The following TET2 variants were observed in gnomAD, a reference collection of about 807,000 sequenced individuals.
TET2 encodes tet methylcytosine dioxygenase 2.
In TET2, 299 loss-of-function variants were observed where a neutral mutation model predicts 142.9. The observed-to-expected ratio is 2.09, with a 90% CI of 1.90 to 2.30. The LOEUF is 2.30. TET2 is among the 30% of genes most tolerant of loss of function. TET2 has a pLI of 0.00. For synonymous variants in TET2, 819 were observed against 849.0 expected (o/e 0.96, Z 0.61); for missense variants, 2,418 against 2,378.0 (o/e 1.02, Z -0.35).
intron 2 of TET2, among the ~76,000 whole-genome samples, chr4:105,209,050 T>C (rs1379670286): frequency 1.1e-3 from 7 of 6,660 alleles, no homozygotes; most frequent in Non-Finnish European, 1.7e-3. Context: ...CAAGGCATGG[T>C]ATATATATAT....
chr4:105,183,469 C>T (rs925436338), intron 1 of TET2, among the ~76,000 whole-genome samples: 2 of 151,834 alleles, frequency 1.3e-5, no homozygotes, highest in African/African-American at 2.4e-5. Flanking sequence ...ATCTCAAATT[C>T]GATAGTATCT....
At chr4:105,150,999 G>T (rs4699160) in intron 1 of TET2, among the ~76,000 whole-genome samples, 16,204 of 152,184 alleles carry the variant, frequency 0.11, 1,164 homozygotes, top group Non-Finnish European at 0.16. Context: ...TTTCTCAAAA[G>T]AATAGATATT....
intron 6 of TET2, among the ~76,000 whole-genome samples, chr4:105,255,301 A>T (rs1730068211): frequency 6.6e-6 from 1 of 152,152 alleles, no homozygotes; most frequent in South Asian, 2.1e-4. Flanking sequence ...TTTACCTATT[A>T]CCCAAATTTG....
chr4:105,246,621 T>G (rs1238807649), intron 6 of TET2, among the ~76,000 whole-genome samples: 1 of 152,222 alleles, frequency 6.6e-6, no homozygotes, highest in Non-Finnish European at 1.5e-5. Context: ...TACTCAGAAA[T>G]AGCTTTTGAA....
Position 105,235,205 on chromosome 4 carries a change from AG to A in TET2, c.1265del (p.Gly422GlufsTer5). ...CACAGGTTCCTCAGCTTCCTTCAGA[AG>A]GAAAAAGCACTCTGAATGGTGGAGT... Reference protein sequence around the residue: ...LPQVPQLPSEGKSTLNGGVLE... With the variant: ...LPQVPQLPSEXKSTLNGGVLE... On this transcript the variant is annotated frameshift_variant, in exon 3 of 11. Transcript: ENST00000380013. LOFTEE classifies it high-confidence loss of function. 1 of 1,614,100 alleles carries A rather than the reference AG, an allele frequency of 6.2e-7. No homozygotes were observed. The highest frequency in any genetic ancestry group is 8.5e-7 in the Non-Finnish European group (1 of 1,179,996).
Position 105,163,838 on chromosome 4 carries a change from AGAGAGAGAGAGAGAGAGT to A in TET2, c.-193+16861_-193+16878del, listed in dbSNP as rs1206428418. Among the ~76,000 whole-genome samples the A allele has an allele frequency of 4.9e-3, 600 of 121,224 alleles. 1 individual carries two copies. Among genetic ancestry groups the A allele is most frequent in the African/African-American group, 0.018 (522 of 28,418 alleles). 79.5% of individuals were successfully genotyped at this position (121,224 alleles called of 152,430 possible). The stretch of plus-strand genomic sequence containing the variant: ...GAGAGAGAGAGAGAGAGAGAGAGAG[AGAGAGAGAGAGAGAGAGT>A]GTGTGTGTGTGTGTGTGTGTGTGTG... On this transcript the variant is annotated intron_variant, in intron 1 of 10. Coordinates refer to ENST00000380013, the MANE Select transcript of TET2 (RefSeq NM_001127208.3).
chr4:105,181,990 T>C (rs1725147182), intron 1 of TET2, among the ~76,000 whole-genome samples: 1 of 152,108 alleles, frequency 6.6e-6, no homozygotes, highest in Non-Finnish European at 1.5e-5. Context: ...ATTATGAAAA[T>C]ATTTTATGTA....
Position 105,174,747 on chromosome 4 carries a change from T to C in TET2, c.-192-15613T>C, listed in dbSNP as rs145971218. ...AACCTCCAGGAGTGTTCACAGTGACTACTGGAGAAAATTCCCTAAGGGGAG... is the reference window on the plus strand; with the variant it reads ...AACCTCCAGGAGTGTTCACAGTGACCACTGGAGAAAATTCCCTAAGGGGAG... On this transcript the variant is annotated intron_variant, in intron 1 of 10. Coordinates refer to ENST00000380013, the MANE Select transcript of TET2 (RefSeq NM_001127208.3). 1.4e-3 allele frequency among the ~76,000 whole-genome samples: 207 copies of C among 152,310 alleles called. 3 individuals carry two copies. The highest frequency in any genetic ancestry group is 7.5e-3 in the Admixed American group (114 of 15,300).
chr4:105,154,652 T>C (rs1008235804), intron 1 of TET2, among the ~76,000 whole-genome samples: 2 of 152,214 alleles, frequency 1.3e-5, no homozygotes, highest in African/African-American at 4.8e-5. Flanking sequence ...TAAAGAGGGC[T>C]TAATGTATAG....
Position 105,186,473 on chromosome 4 carries a change from CT to C in TET2, c.-192-3867del, listed in dbSNP as rs1224419124. Among the ~76,000 whole-genome samples the C allele has an allele frequency of 9.6e-3, 1,108 of 115,072 alleles. 3 individuals are homozygous for C. Among genetic ancestry groups the C allele is most frequent in the African/African-American group, 0.026 (779 of 29,522 alleles). The allele number at this position is 115,072 out of a possible 152,430, so 75.5% of individuals were successfully genotyped here. A position where few individuals can be genotyped will look rare whatever the true frequency, so the allele number is the denominator to read the frequency against. On this transcript the variant is annotated intron_variant, in intron 1 of 10. Coordinates refer to ENST00000380013, the MANE Select transcript of TET2 (RefSeq NM_001127208.3). ...ATAAGCTGACTGTATTTTGCATTTT[CT>C]TTTTTTTTTTTTTTTTTTTGAGATG...
Position 105,237,642 on chromosome 4 carries a change from G to A in TET2, c.3409+291G>A, listed in dbSNP as rs537739893. 17 of 1,427,908 alleles carry A rather than the reference G, an allele frequency of 1.2e-5. No homozygotes were observed. The South Asian group carries it at 1.5e-4, about 13-fold the overall frequency. The allele number at this position is 1,427,908 out of a possible 1,614,324, so 88.5% of individuals were successfully genotyped here. On this transcript the variant is annotated intron_variant, in intron 3 of 10. Coordinates refer to ENST00000380013, the MANE Select transcript of TET2 (RefSeq NM_001127208.3). ...GAATGTATCTGTTTTAGATCAATTC[G>A]CCTATTTAGCTCTTTGTATATTATC...
At chr4:105,243,512 C>T (rs2110253938) in intron 5 of TET2, 58 bp from the exon 6 acceptor site, 2 of 1,479,216 alleles carry the variant, frequency 1.4e-6, no homozygotes, top group South Asian at 1.2e-5. Context: ...TGCAAGTGAC[C>T]CTTGTTTTGT....
intron 1 of TET2, among the ~76,000 whole-genome samples, chr4:105,179,835 A>G (rs1725013715): frequency 6.6e-6 from 1 of 152,204 alleles, no homozygotes; most frequent in Non-Finnish European, 1.5e-5. Flanking sequence ...GAGATCCTCT[A>G]AAGCAGCTGC....
At chr4:105,242,757 A>C (rs1729371745) in intron 4 of TET2, 77 bp from the exon 5 acceptor site, 1 of 1,522,364 alleles carries the variant, frequency 6.6e-7, no homozygotes, top group Non-Finnish European at 8.8e-7. Context: ...GTTATGCTCA[A>C]ATGTTCAAAT....
chr4:105,262,629 C>T (rs1253391962), intron 8 of TET2, among the ~76,000 whole-genome samples: 1 of 152,066 alleles, frequency 6.6e-6, no homozygotes, highest in Non-Finnish European at 1.5e-5. Context: ...CACCTTTAAT[C>T]CCAACACTTT....
chr4:105,275,831 A>T lies in TET2; in HGVS notation c.5321A>T (p.Asn1774Ile). ...TACAGTGCAGCTCCGGGCATGTTCA[A>T]CAGCTCTCTTCATGCCCTGCATCTC... ...HNYSAAPGMFNSSLHALHLQN... is the reference protein window; with the variant it reads ...HNYSAAPGMFISSLHALHLQN... The change falls in exon 11 of 11, where the codon AAC (asparagine) becomes ATC (isoleucine). Residue 1774 changes from asparagine to isoleucine, a missense_variant. Coordinates refer to ENST00000380013, the MANE Select transcript of TET2 (RefSeq NM_001127208.3). The T allele has an allele frequency of 1.3e-6, 2 of 1,551,830 alleles. No homozygotes were observed. Among genetic ancestry groups the T allele is most frequent in the Non-Finnish European group, 1.7e-6 (2 of 1,147,006 alleles).
intron 4 of TET2, chr4:105,242,332 A>G (rs1729351414): frequency 2.8e-6 from 3 of 1,078,000 alleles, no homozygotes; most frequent in African/African-American, 3.3e-5. Context: ...TCATAAGGGA[A>G]GATATAGTCT....
At position 105,190,445 on chromosome 4, in the gene TET2, T is replaced by C. The variant is rs1450362642; in HGVS notation, c.-107T>C. Reference sequence around the variant, plus strand: ...AGTTACAACGCTTGGAAGCAGGAGATGGGCTCAGCAGCAGCCAATAGGACA... The same window carrying C: ...AGTTACAACGCTTGGAAGCAGGAGACGGGCTCAGCAGCAGCCAATAGGACA... On this transcript the variant is annotated 5_prime_UTR_variant, in exon 2 of 11. The change abolishes an upstream ATG in the 5' untranslated region. Coordinates refer to ENST00000380013, the MANE Select transcript of TET2 (RefSeq NM_001127208.3). The C allele has an allele frequency of 2.8e-6, 2 of 701,758 alleles. No individual in the cohort carries two copies. Among genetic ancestry groups the C allele is most frequent in the African/African-American group, 3.5e-5 (2 of 57,198 alleles). 43.5% of individuals were successfully genotyped at this position (701,758 alleles called of 1,614,324 possible).
In TET2 at chr4:105,234,296, T is replaced by C; in HGVS notation, c.354T>C (p.Ala118=). ...QIKKLKQDQK[A]NGERRNFGVS... is the part of the protein sequence containing the mutation. ...AGAAATTGAAACAAGACCAAAAGGC[T>C]AATGGAGAAAGACGTAACTTCGGGG... Residue 118 remains alanine (A), a synonymous_variant, in exon 3 of 11, where the codon GCT becomes GCC. Coordinates refer to ENST00000380013, the MANE Select transcript of TET2 (RefSeq NM_001127208.3). The C allele has an allele frequency of 6.2e-7, 1 of 1,614,080 alleles. No homozygotes were observed. The highest frequency in any genetic ancestry group is 1.1e-5 in the South Asian group (1 of 91,082).
Sources: allele counts gnomAD v4.1 joint callset (sites outside exome capture counted in the v4.1 genomes callset), GRCh38; gene constraint gnomAD v4.1.1; transcripts MANE v1.5; gene names NCBI Gene and HGNC (gene_info 2026-07-23, HGNC 2026-07-21).